The following DPP10 variants were observed in gnomAD, a reference collection of about 807,000 sequenced individuals.
DPP10 encodes inactive dipeptidyl peptidase 10.
Under a neutral mutation model 120.9 loss-of-function variants are expected in DPP10, and 33 were observed. The ratio of observed to expected loss-of-function variants is 0.27; its 90% CI spans 0.21 to 0.37. The LOEUF is 0.37. Ranked by LOEUF, DPP10 falls within the 10% of genes least tolerant of loss-of-function variation. The probability of loss-of-function intolerance (pLI) is 1.00; values close to 1 mark genes in which losing one functional copy is unlikely to be tolerated. For missense variants in DPP10, 816 were observed against 942.8 expected, an observed-to-expected ratio of 0.87 and a Z score of 1.76; for synonymous variants, 337 against 326.1, an observed-to-expected ratio of 1.03 and a Z score of -0.36.
At chr2:115,624,521 A>C (rs970143870) in intron 5 of DPP10, among the ~76,000 whole-genome samples, 1 of 152,190 alleles carries the variant, frequency 6.6e-6, no homozygotes, top group African/African-American at 2.4e-5. Context: ...GCAGCCCATC[A>C]CAATTCTAGA....
chr2:114,675,244 A>T (rs1207027060), intron 1 of DPP10, among the ~76,000 whole-genome samples: 1 of 152,140 alleles, frequency 6.6e-6, no homozygotes, highest in East Asian at 1.9e-4. Flanking sequence ...GAAATCCTGG[A>T]TAATTTGCAG....
intron 7 of DPP10, among the ~76,000 whole-genome samples, chr2:115,719,571 C>T (rs1337662134): frequency 6.6e-6 from 1 of 152,096 alleles, no homozygotes; most frequent in Non-Finnish European, 1.5e-5. Flanking sequence ...AATTTGTGCT[C>T]ATAGTTTTGC....
chr2:114,782,703 G>A (rs1240867673), intron 1 of DPP10, among the ~76,000 whole-genome samples: 1 of 152,028 alleles, frequency 6.6e-6, no homozygotes, highest in Non-Finnish European at 1.5e-5. Flanking sequence ...TAAGTAAGTG[G>A]ATAGTGACTA....
chr2:114,474,573 C>T (rs1024240081), intron 1 of DPP10, among the ~76,000 whole-genome samples: 1 of 152,118 alleles, frequency 6.6e-6, no homozygotes, highest in Non-Finnish European at 1.5e-5. Context: ...TAAGGGGCAC[C>T]TCAAATTCCA....
chr2:114,963,222 C>G (rs552065308), intron 1 of DPP10, among the ~76,000 whole-genome samples: 1 of 152,228 alleles, frequency 6.6e-6, no homozygotes, highest in African/African-American at 2.4e-5. Context: ...TGAAAGCTGA[C>G]GTTTCACCAG....
chr2:115,547,322 A>G (rs1285158602), intron 5 of DPP10, among the ~76,000 whole-genome samples: 1 of 152,178 alleles, frequency 6.6e-6, no homozygotes, highest in East Asian at 1.9e-4. Context: ...TTTTTTATGA[A>G]AACTTCAAGA....
At chr2:114,689,270 C>T (rs1573971933) in intron 1 of DPP10, among the ~76,000 whole-genome samples, 1 of 42,894 alleles carries the variant, frequency 2.3e-5, no homozygotes, top group Non-Finnish European at 5.0e-5. Context: ...GTGTGTTATT[C>T]CCCCCCAACA....
intron 1 of DPP10, among the ~76,000 whole-genome samples, chr2:115,273,481 C>T (rs1412367614): frequency 3.3e-5 from 5 of 152,056 alleles, no homozygotes; most frequent in Admixed American, 6.5e-5. Flanking sequence ...GGACTACAGG[C>T]GCCCGCCACC....
chr2:115,603,191 G>A (rs2083452343), intron 5 of DPP10, among the ~76,000 whole-genome samples: 1 of 150,438 alleles, frequency 6.6e-6, no homozygotes, highest in Non-Finnish European at 1.5e-5. Flanking sequence ...CAAGTTGAAT[G>A]TGTTCTTTGG....
At chr2:115,610,231 C>T (rs561679565) in intron 5 of DPP10, among the ~76,000 whole-genome samples, 1 of 152,052 alleles carries the variant, frequency 6.6e-6, no homozygotes, top group Non-Finnish European at 1.5e-5. Flanking sequence ...CCCTCACCCC[C>T]CCATGGACCT....
At chr2:115,597,181 T>C (rs2083043662) in intron 5 of DPP10, among the ~76,000 whole-genome samples, 1 of 152,124 alleles carries the variant, frequency 6.6e-6, no homozygotes, top group African/African-American at 2.4e-5. Flanking sequence ...TATACTTCAC[T>C]GTGAGGACAT....
intron 1 of DPP10, among the ~76,000 whole-genome samples, chr2:115,254,945 T>C (rs2058916679): frequency 6.6e-6 from 1 of 152,114 alleles, no homozygotes; most frequent in Non-Finnish European, 1.5e-5. Context: ...AGGTGCCCAG[T>C]TCAAGCTGTC....
At chr2:114,942,300 T>TATATATATATATATATATATAC (rs1553458467) in intron 1 of DPP10, among the ~76,000 whole-genome samples, 9 of 110,600 alleles carry the variant, frequency 8.1e-5, no homozygotes, top group South Asian at 6.5e-4. Flanking sequence ...TATATATACA[T>TATATATATATATATATATATAC]ATATATATAT....
intron 1 of DPP10, among the ~76,000 whole-genome samples, chr2:114,943,958 T>C (rs1180135589): frequency 6.6e-6 from 1 of 152,206 alleles, no homozygotes; most frequent in Non-Finnish European, 1.5e-5. Context: ...CATAAGATGT[T>C]ATGGCTGCAC....
At chr2:115,466,273 TGTG>T (rs1553420676) in intron 3 of DPP10, among the ~76,000 whole-genome samples, 1 of 152,158 alleles carries the variant, frequency 6.6e-6, no homozygotes, top group Non-Finnish European at 1.5e-5. Flanking sequence ...GGAATTATAG[TGTG>T]GTGTTCTTTA....
At chr2:114,707,161 A>G (rs544717259) in intron 1 of DPP10, 8 of 152,126 alleles carry the variant, frequency 5.3e-5, no homozygotes, top group African/African-American at 1.7e-4. Flanking sequence ...AGTTATGACT[A>G]TTTTCTAGTT....
At chr2:114,973,689 C>G (rs1429761175) in intron 1 of DPP10, among the ~76,000 whole-genome samples, 1 of 83,504 alleles carries the variant, frequency 1.2e-5, no homozygotes, top group Non-Finnish European at 2.5e-5. Context: ...AAAAAGTTAA[C>G]TGTAAAACAG....
At chr2:114,460,876 C>T (rs1257048041) in intron 1 of DPP10, among the ~76,000 whole-genome samples, 1 of 152,082 alleles carries the variant, frequency 6.6e-6, no homozygotes, top group Non-Finnish European at 1.5e-5. Context: ...TGTTTCCTAA[C>T]AGAGAGTAAG....
intron 2 of DPP10, among the ~76,000 whole-genome samples, chr2:115,315,091 G>A (rs1474384404): frequency 6.6e-6 from 1 of 151,824 alleles, no homozygotes; most frequent in Non-Finnish European, 1.5e-5. Flanking sequence ...AATTGACCTT[G>A]GTATTCGACT....
Sources: allele counts gnomAD v4.1 joint callset (sites outside exome capture counted in the v4.1 genomes callset), GRCh38; gene constraint gnomAD v4.1.1; transcripts MANE v1.5; gene names NCBI Gene and HGNC (gene_info 2026-07-23, HGNC 2026-07-21).